Variants in MYT1L observed in about 807,000 individuals in gnomAD.
The protein encoded by MYT1L is myelin transcription factor 1-like protein.
A neutral mutation model predicts 126.7 loss-of-function variants in MYT1L; 12 were observed. The ratio of observed to expected loss-of-function variants is 0.09; its 90% CI spans 0.06 to 0.15. MYT1L has a LOEUF of 0.15. Among genes scored for constraint, MYT1L ranks in the 10% least tolerant of loss-of-function variants. The probability of loss-of-function intolerance (pLI) is 1.00; values close to 1 mark genes in which losing one functional copy is unlikely to be tolerated. For missense variants in MYT1L, 979 were observed against 1,585.2 expected (o/e 0.62, Z 6.49); for synonymous variants, 541 against 604.2 (o/e 0.90, Z 1.53).
chr2:1,829,896 C>G (rs116152899), intron 21 of MYT1L, among the ~76,000 whole-genome samples: 1 of 152,186 alleles, frequency 6.6e-6, no homozygotes, highest in Non-Finnish European at 1.5e-5. Context: ...CTGCACCCAG[C>G]GAACACATGG....
At chr2:2,095,840 G>A (rs1311816689) in intron 3 of MYT1L, among the ~76,000 whole-genome samples, 2 of 152,200 alleles carry the variant, frequency 1.3e-5, no homozygotes, top group Non-Finnish European at 2.9e-5. Context: ...ACTTGGGTTG[G>A]AACTGTGGTC....
At chr2:1,798,331 T>A (rs953282301) in intron 23 of MYT1L, among the ~76,000 whole-genome samples, 11 of 152,244 alleles carry the variant, frequency 7.2e-5, no homozygotes, top group Non-Finnish European at 1.5e-5. Context: ...GTTTCCTTTT[T>A]CCTTCTCTTG....
At chr2:2,322,871 T>C (rs943414715) in intron 1 of MYT1L, among the ~76,000 whole-genome samples, 2 of 152,188 alleles carry the variant, frequency 1.3e-5, no homozygotes, top group African/African-American at 4.8e-5. Context: ...TAGGTAAGAT[T>C]TCATGAATCT....
chr2:2,143,930 A>G (rs1404854337), intron 3 of MYT1L, among the ~76,000 whole-genome samples: 5 of 140,430 alleles, frequency 3.6e-5, no homozygotes. Flanking sequence ...GTCGGCATAA[A>G]GATGGGAGCA....
intron 3 of MYT1L, among the ~76,000 whole-genome samples, chr2:2,160,430 A>T (rs180855481): frequency 1.1e-3 from 167 of 152,340 alleles, no homozygotes; most frequent in Admixed American, 2.5e-3. Flanking sequence ...TCTGAATAAT[A>T]AATTAAGAAT....
chr2:1,871,578 C>A (rs546249725), intron 18 of MYT1L, among the ~76,000 whole-genome samples: 2 of 152,282 alleles, frequency 1.3e-5, no homozygotes, highest in East Asian at 3.9e-4. Flanking sequence ...CTTGCAGAAG[C>A]CCAGGTGGCT....
chr2:2,129,678 G>T (rs2082120525), intron 3 of MYT1L, among the ~76,000 whole-genome samples: 1 of 152,122 alleles, frequency 6.6e-6, no homozygotes, highest in African/African-American at 2.4e-5. Flanking sequence ...AGACTGAGGT[G>T]GGCGGATCAC....
At chr2:1,900,521 G>A (rs1026976926) in intron 14 of MYT1L, among the ~76,000 whole-genome samples, 6 of 152,090 alleles carry the variant, frequency 3.9e-5, no homozygotes, top group Non-Finnish European at 8.8e-5. Flanking sequence ...GGATGGTCTT[G>A]ATCTCCTGAC....
intron 2 of MYT1L, among the ~76,000 whole-genome samples, chr2:2,268,015 A>T (rs1400539191): frequency 2.0e-5 from 3 of 152,212 alleles, no homozygotes; most frequent in Non-Finnish European, 1.5e-5. Flanking sequence ...CAGTATTAAT[A>T]AAAGATGAGA....
chr2:1,979,215 A>G lies in MYT1L; in HGVS notation c.102T>C (p.Pro34=). Residue 34 remains proline, a synonymous_variant, in exon 8 of 25, where the codon CCT becomes CCC. Coordinates refer to ENST00000647738, the MANE Select transcript of MYT1L (RefSeq NM_001303052.2). This position sits in a 1 kb window ranked among gnomAD's most constrained non-coding sequence, Gnocchi z 4.0. ...TGACATGACCACTGCCGTCACAGCC[A>G]GGGGTGGGACAGCTGCAACAGGAAA... The part of the protein sequence containing the change: ...AIQELFSCPT[P]GCDGSGHVSG... 1 of 1,613,848 alleles carries G rather than the reference A, an allele frequency of 6.2e-7. No individual in the cohort carries two copies.
chr2:2,070,051 A>G (rs2074402466), intron 3 of MYT1L, among the ~76,000 whole-genome samples: 2 of 151,932 alleles, frequency 1.3e-5, no homozygotes, highest in South Asian at 4.1e-4. Context: ...AGATACCATC[A>G]CATGGTACAC....
chr2:2,185,010 C>CTAAG (rs1419393430), intron 2 of MYT1L, among the ~76,000 whole-genome samples: 1 of 152,170 alleles, frequency 6.6e-6, no homozygotes, highest in Non-Finnish European at 1.5e-5. Context: ...GTAATTGCGT[C>CTAAG]TACTTTAGAA....
chr2:2,017,192 C>T (rs1162109662), intron 4 of MYT1L, among the ~76,000 whole-genome samples: 2 of 152,220 alleles, frequency 1.3e-5, no homozygotes, highest in African/African-American at 4.8e-5. Flanking sequence ...ACGCTCCCTG[C>T]TTATCGCACT....
At position 1,990,873 on chromosome 2, in the gene MYT1L, G is replaced by A. The variant is rs368731192; in HGVS notation, c.-1+6318C>T. 5.3e-5 allele frequency among the ~76,000 whole-genome samples: 8 copies of A among 152,208 alleles called. No homozygotes were observed. The East Asian group carries it at 1.5e-3, about 29-fold the overall frequency. The stretch of plus-strand genomic sequence containing the variant: ...AAGCAAGGCTGGCGCATGCCCTGGT[G>A]CACACTGCTCTGGGATGTGTTGGAA... On this transcript the variant is annotated intron_variant, in intron 5 of 24. Coordinates refer to ENST00000647738, the MANE Select transcript of MYT1L (RefSeq NM_001303052.2).
At chr2:1,865,764 A>C (rs1207555897) in intron 18 of MYT1L, among the ~76,000 whole-genome samples, 1 of 152,094 alleles carries the variant, frequency 6.6e-6, no homozygotes, top group Non-Finnish European at 1.5e-5. Context: ...CACTTAGTAC[A>C]TGCTCAGTAC....
intron 3 of MYT1L, among the ~76,000 whole-genome samples, chr2:2,084,994 C>T (rs571271182): frequency 1.3e-5 from 2 of 152,312 alleles, no homozygotes; most frequent in South Asian, 2.1e-4. Flanking sequence ...CCTCACCCTC[C>T]AATTCTCTAA....
intron 2 of MYT1L, among the ~76,000 whole-genome samples, chr2:2,250,321 A>G (rs1448691329): frequency 6.6e-6 from 1 of 152,176 alleles, no homozygotes; most frequent in Non-Finnish European, 1.5e-5. Flanking sequence ...TACACAATGG[A>G]GTATTATTCA....
chr2:2,144,822 T>C (rs6750234), intron 3 of MYT1L, among the ~76,000 whole-genome samples: 89 of 152,364 alleles, frequency 5.8e-4, no homozygotes, highest in African/African-American at 2.0e-3. Context: ...GCTCTCATCA[T>C]GTAAAATCCC....
At chr2:1,964,117 C>T (rs1170701557) in intron 8 of MYT1L, among the ~76,000 whole-genome samples, 2 of 152,084 alleles carry the variant, frequency 1.3e-5, no homozygotes, top group Non-Finnish European at 2.9e-5. Context: ...TGTTAATTGG[C>T]CTAATTTCAA....
Sources: gnomAD v4.1 joint callset for allele counts (sites outside exome capture counted in the v4.1 genomes callset) on GRCh38, gnomAD v4.1.1 for gene constraint, Gnocchi (gnomAD v3.1) non-coding constraint, MANE v1.5 for transcripts, NCBI Gene and HGNC (gene_info 2026-07-23, HGNC 2026-07-21) for gene names.